Variants in ASTN1 observed in about 807,000 individuals in gnomAD.
ASTN1 encodes the protein astrotactin-1.
Under a neutral mutation model 140.7 loss-of-function variants are expected in ASTN1, and 41 were observed. That is an observed-to-expected ratio of 0.29 (90% CI 0.23 to 0.38). The LOEUF (loss-of-function observed/expected upper bound fraction) is 0.38. Among genes scored for constraint, ASTN1 ranks in the 10% least tolerant of loss-of-function variants. The pLI is 1.00. For missense variants in ASTN1, 1,479 were observed against 1,678.8 expected, an observed-to-expected ratio of 0.88 and a Z score of 2.08; for synonymous variants, 640 against 652.2, an observed-to-expected ratio of 0.98 and a Z score of 0.29.
chr1:177,104,291 A>G (rs1198086492), intron 1 of ASTN1, among the ~76,000 whole-genome samples: 1 of 152,148 alleles, frequency 6.6e-6, no homozygotes, highest in Non-Finnish European at 1.5e-5. Context: ...CATTTTGACA[A>G]TTCTTTATTA....
At chr1:176,954,520 G>C (rs1672320093) in intron 11 of ASTN1, among the ~76,000 whole-genome samples, 1 of 152,170 alleles carries the variant, frequency 6.6e-6, no homozygotes, top group Admixed American at 6.5e-5. Flanking sequence ...CATCTATAGA[G>C]TTGTAAGTCA....
intron 1 of ASTN1, among the ~76,000 whole-genome samples, chr1:177,111,626 T>C (rs1327574024): frequency 6.6e-6 from 1 of 152,172 alleles, no homozygotes; most frequent in Non-Finnish European, 1.5e-5. Flanking sequence ...TTGCTCTAAA[T>C]GATGAGATGA....
chr1:177,132,166 A>T (rs1681973799), intron 1 of ASTN1, among the ~76,000 whole-genome samples: 1 of 152,168 alleles, frequency 6.6e-6, no homozygotes, highest in Non-Finnish European at 1.5e-5. Flanking sequence ...AACATATATT[A>T]CCTTTATAAT....
rs577291141 is a variant in ASTN1 at position 176,863,153 on chromosome 1, C to G, written c.*1131G>C. On this transcript the variant is annotated 3_prime_UTR_variant, in exon 23 of 23. Coordinates refer to ENST00000361833, the MANE Select transcript of ASTN1 (RefSeq NM_004319.3). ...GCTTCCCTACACAGAATCCCTGTGA[C>G]TGGATGGGCAGTGACCATGGTGGAA... 3 of 985,912 alleles carry G rather than the reference C, an allele frequency of 3.0e-6. No individual in the cohort carries two copies. The East Asian group carries it at 3.4e-4, about 112-fold the overall frequency. 61.1% of individuals were successfully genotyped at this position (985,912 alleles called of 1,614,324 possible).
At chr1:177,135,826 TTAGAAA>T (rs1281419570) in intron 1 of ASTN1, among the ~76,000 whole-genome samples, 5 of 152,168 alleles carry the variant, frequency 3.3e-5, no homozygotes, top group Non-Finnish European at 7.4e-5. Flanking sequence ...ATGGAGCTTG[TTAGAAA>T]TGTGGCTTCT....
chr1:176,940,949 G>A (rs1671689364), intron 14 of ASTN1, among the ~76,000 whole-genome samples: 1 of 152,202 alleles, frequency 6.6e-6, no homozygotes, highest in Non-Finnish European at 1.5e-5. Context: ...TTGCTGAGAG[G>A]AGGAGACTCT....
intron 20 of ASTN1, among the ~76,000 whole-genome samples, chr1:176,878,812 C>G (rs1015153572): frequency 6.6e-6 from 1 of 152,138 alleles, no homozygotes; most frequent in Non-Finnish European, 1.5e-5. Flanking sequence ...GAAGTTCCCC[C>G]TCATACCCGT....
chr1:177,156,307 G>T (rs1558136302), intron 1 of ASTN1, among the ~76,000 whole-genome samples: 3 of 151,250 alleles, frequency 2.0e-5, no homozygotes, highest in Admixed American at 1.3e-4. Context: ...AACACCATAT[G>T]CTGCTTGGAG....
intron 5 of ASTN1, among the ~76,000 whole-genome samples, chr1:177,027,403 T>A (rs1676171183): frequency 6.6e-6 from 1 of 151,956 alleles, no homozygotes; most frequent in African/African-American, 2.4e-5. Flanking sequence ...TCTTTCTGCA[T>A]CATCGACCCA....
intron 17 of ASTN1, among the ~76,000 whole-genome samples, chr1:176,893,414 T>C (rs1331645273): frequency 3.9e-5 from 6 of 152,128 alleles, no homozygotes. Context: ...TTTCTACCAC[T>C]CCTCTTCCTG....
chr1:177,132,346 C>G (rs1245040297), intron 1 of ASTN1, among the ~76,000 whole-genome samples: 1 of 152,170 alleles, frequency 6.6e-6, no homozygotes, highest in African/African-American at 2.4e-5. Context: ...GACTTCGTCA[C>G]CAGTAGAGAT....
At chr1:176,881,664 A>G (rs1267958119) in intron 20 of ASTN1, among the ~76,000 whole-genome samples, 2 of 152,168 alleles carry the variant, frequency 1.3e-5, no homozygotes, top group African/African-American at 4.8e-5. Context: ...CAAAAAGTGG[A>G]CCAACATGGT....
intron 7 of ASTN1, among the ~76,000 whole-genome samples, chr1:177,020,386 T>G (rs1206822706): frequency 2.0e-5 from 3 of 152,214 alleles, no homozygotes. Context: ...TCTGTGTTCT[T>G]GCCTTTTCCA....
At chr1:177,011,828 A>C (rs1421123460) in intron 8 of ASTN1, among the ~76,000 whole-genome samples, 2 of 149,100 alleles carry the variant, frequency 1.3e-5, no homozygotes, top group Non-Finnish European at 3.0e-5. Context: ...CCTCCACCTC[A>C]AAAAAAAAAT....
At chr1:177,115,104 T>C (rs1273184084) in intron 1 of ASTN1, among the ~76,000 whole-genome samples, 1 of 152,006 alleles carries the variant, frequency 6.6e-6, no homozygotes, top group Non-Finnish European at 1.5e-5. Flanking sequence ...CCCTACTCTG[T>C]TCAACAGACC....
chr1:177,053,123 T>C (rs1435252013), intron 2 of ASTN1, among the ~76,000 whole-genome samples: 3 of 152,196 alleles, frequency 2.0e-5, no homozygotes, highest in African/African-American at 7.2e-5. Flanking sequence ...CTATGAATAT[T>C]ACCAGTTTCT....
Position 176,942,859 on chromosome 1 carries a change from T to TATATATATATATATAC in ASTN1, c.2377+1031_2377+1032insGTATATATATATATAT, listed in dbSNP as rs1557978139. On this transcript the variant is annotated intron_variant, in intron 14 of 22. Coordinates refer to ENST00000361833, the MANE Select transcript of ASTN1 (RefSeq NM_004319.3). ...ATGTATATATATATATATATATATA[T>TATATATATATATATAC]ATATATAGATTGATGTCTCATGTCT... 5.8e-4 allele frequency among the ~76,000 whole-genome samples: 60 copies of TATATATATATATATAC among 104,136 alleles called. 1 individual carries two copies. The highest frequency in any genetic ancestry group is 1.0e-3 in the Non-Finnish European group (51 of 49,112). The allele number at this position is 104,136 out of a possible 152,430, so 68.3% of individuals were successfully genotyped here. A position where few individuals can be genotyped will look rare whatever the true frequency, so the allele number is the denominator to read the frequency against.
At chr1:177,067,186 T>C (rs1678404947) in intron 1 of ASTN1, among the ~76,000 whole-genome samples, 1 of 151,918 alleles carries the variant, frequency 6.6e-6, no homozygotes, top group Non-Finnish European at 1.5e-5. Flanking sequence ...TATGAGGGGA[T>C]AGGATAGGAG....
At chr1:176,858,240 A>T (rs906901010), downstream of ASTN1, among the ~76,000 whole-genome samples, 2 of 152,242 alleles carry the variant, frequency 1.3e-5, no homozygotes, top group African/African-American at 4.8e-5. Context: ...CTCACTTTGG[A>T]ATAGTGCAGA....
Sources: allele counts gnomAD v4.1 joint callset (sites outside exome capture counted in the v4.1 genomes callset), GRCh38; gene constraint gnomAD v4.1.1; transcripts MANE v1.5; gene names NCBI Gene and HGNC (gene_info 2026-07-23, HGNC 2026-07-21).